MACROH2A2: variants seen among roughly 807,000 people sequenced by gnomAD.
The protein encoded by MACROH2A2 is macroH2A.2 histone.
MACROH2A2 carries 6 observed loss-of-function variants against 37.6 expected under a neutral mutation model. That is an observed-to-expected ratio of 0.16 (90% CI 0.09 to 0.32). MACROH2A2 has a LOEUF of 0.32. MACROH2A2 is among the 10% of genes least tolerant of loss of function. The probability of loss-of-function intolerance (pLI) is 1.00; values close to 1 mark genes in which losing one functional copy is unlikely to be tolerated. For missense variants in MACROH2A2, 290 were observed against 485.9 expected, an observed-to-expected ratio of 0.60 and a Z score of 3.79; for synonymous variants, 192 against 202.7, an observed-to-expected ratio of 0.95 and a Z score of 0.45.
chr10:70,054,055 G>A (rs1345036254), intron 1 of MACROH2A2, among the ~76,000 whole-genome samples: 1 of 152,166 alleles, frequency 6.6e-6, no homozygotes, highest in Non-Finnish European at 1.5e-5. Context: ...TTCCTTGGGG[G>A]GGCGCCCTCA....
chr10:70,098,277 AGAGAG>A (rs1200905311), intron 6 of MACROH2A2: 2 of 133,016 alleles, frequency 1.5e-5, no homozygotes, highest in East Asian at 8.3e-4. Context: ...AGAAAGAAAA[AGAGAG>A]AGAGAGAGGG....
chr10:70,109,379 C>T (rs972293602), intron 8 of MACROH2A2, among the ~76,000 whole-genome samples, 172 bp downstream of exon 8: 7 of 152,226 alleles, frequency 4.6e-5, no homozygotes, highest in African/African-American at 7.2e-5. Context: ...CATGGGGAAG[C>T]GAGCCCACTG....
chr10:70,108,217 CTA>C (rs1197514033), intron 7 of MACROH2A2, among the ~76,000 whole-genome samples: 5 of 151,424 alleles, frequency 3.3e-5, no homozygotes, highest in African/African-American at 1.2e-4. Flanking sequence ...CAAAAAAAAA[CTA>C]AAAATAAAAA....
In MACROH2A2 at chr10:70,061,097, A is replaced by C. The variant is rs974670465; in HGVS notation, c.-60+8097A>C. Among the ~76,000 whole-genome samples, 3 of 152,310 alleles carry C rather than the reference A, an allele frequency of 2.0e-5. No homozygotes were observed. The East Asian group carries it at 5.8e-4, about 29-fold the overall frequency. ...CTTTCTCCCCAAAAGCAATTCATTCAATAAGGGCATGTGCTAAGGGGTTTT... is the reference window on the plus strand; with the variant it reads ...CTTTCTCCCCAAAAGCAATTCATTCCATAAGGGCATGTGCTAAGGGGTTTT... On this transcript the variant is annotated intron_variant, in intron 1 of 8. Coordinates refer to ENST00000373255, the MANE Select transcript of MACROH2A2 (RefSeq NM_018649.3).
At chr10:70,068,230 G>C (rs538796577) in intron 1 of MACROH2A2, among the ~76,000 whole-genome samples, 1 of 151,996 alleles carries the variant, frequency 6.6e-6, no homozygotes, top group Non-Finnish European at 1.5e-5. Flanking sequence ...CAGAAGTATA[G>C]GTTTAAGCTT....
intron 2 of MACROH2A2, among the ~76,000 whole-genome samples, chr10:70,081,369 G>C (rs752549334): frequency 1.3e-5 from 2 of 152,068 alleles, no homozygotes; most frequent in South Asian, 4.1e-4. Flanking sequence ...GGTTCACATC[G>C]GTGTGTTAAG....
intron 2 of MACROH2A2, among the ~76,000 whole-genome samples, chr10:70,089,112 A>C (rs1293474067): frequency 6.6e-6 from 1 of 152,218 alleles, no homozygotes; most frequent in Admixed American, 6.5e-5. Context: ...CGTCTCAACA[A>C]AAAAGAAAAA....
intron 2 of MACROH2A2, among the ~76,000 whole-genome samples, chr10:70,082,991 T>TG (rs905035997): frequency 6.6e-6 from 1 of 152,164 alleles, no homozygotes; most frequent in African/African-American, 2.4e-5. Flanking sequence ...TCCTTTTTTT[T>TG]TTTTTTAATC....
chr10:70,080,111 C>T (rs927863531), intron 2 of MACROH2A2, among the ~76,000 whole-genome samples: 1 of 152,032 alleles, frequency 6.6e-6, no homozygotes, highest in Non-Finnish European at 1.5e-5. Context: ...GAAACCCCAT[C>T]TCTAATAAAA....
At chr10:70,087,236 CT>C (rs573916118) in intron 2 of MACROH2A2, among the ~76,000 whole-genome samples, 23,114 of 138,570 alleles carry the variant, frequency 0.17, 1,831 homozygotes, top group East Asian at 0.25. Context: ...TTTCTTTCTT[CT>C]TTTTTTTTTT....
In MACROH2A2 at chr10:70,090,152, G is replaced by A. The variant is rs748168980; in HGVS notation, c.265G>A (p.Glu89Lys). ...CATCTTGCTGGCAGTTGCCAATGAC[G>A]AGGAGCTCAACCAGGTATGTCTGAA... is the stretch of plus-strand genomic sequence containing the variant. ...RHILLAVAND[E>K]ELNQLLKGVT... is the part of the protein sequence containing the mutation. The change falls in exon 3 of 9, where the codon GAG becomes AAG. Residue 89 changes from glutamate (E) to lysine (K), a missense_variant. Transcript: ENST00000373255. The A allele has an allele frequency of 2.5e-6, 4 of 1,610,102 alleles. No homozygotes were observed. Among genetic ancestry groups the A allele is most frequent in the Non-Finnish European group, 3.4e-6 (4 of 1,176,462 alleles).
intron 2 of MACROH2A2, among the ~76,000 whole-genome samples, chr10:70,076,888 C>T (rs141939897): frequency 3.8e-3 from 579 of 152,234 alleles, no homozygotes; most frequent in Non-Finnish European, 6.0e-3. Flanking sequence ...TAGTCCCCAT[C>T]GCCCACCAAC....
At chr10:70,058,636 T>TTATATA (rs35874210) in intron 1 of MACROH2A2, among the ~76,000 whole-genome samples, 28 of 150,144 alleles carry the variant, frequency 1.9e-4, no homozygotes, top group Middle Eastern at 3.4e-3. Context: ...ACTGCCAATT[T>TTATATA]TATATATATA....
rs980982366 is a variant in MACROH2A2 at position 70,082,275 on chromosome 10, CG to C, written c.172+6448del. On this transcript the variant is annotated intron_variant, in intron 2 of 8. Coordinates refer to ENST00000373255, the MANE Select transcript of MACROH2A2 (RefSeq NM_018649.3). ...TCTCTACTAAAAATACAAAATTAGC[CG>C]GGTGTGGTGGTGCATGCCTGTAATC... Among the ~76,000 whole-genome samples, 44 of 152,086 alleles carry C rather than the reference CG, an allele frequency of 2.9e-4. 1 individual carries two copies. The Middle Eastern group carries it at 0.017, about 59-fold the overall frequency.
intron 4 of MACROH2A2, among the ~76,000 whole-genome samples, chr10:70,093,307 C>A (rs1301520914): frequency 6.6e-6 from 1 of 152,202 alleles, no homozygotes; most frequent in Non-Finnish European, 1.5e-5. Flanking sequence ...ACAGAAAGTT[C>A]TATTGGACAA....
intron 2 of MACROH2A2, among the ~76,000 whole-genome samples, chr10:70,081,624 G>A (rs1287207329): frequency 6.6e-6 from 1 of 152,084 alleles, no homozygotes; most frequent in African/African-American, 2.4e-5. Flanking sequence ...GCCACCTCAG[G>A]GTCATGGTGA....
intron 1 of MACROH2A2, among the ~76,000 whole-genome samples, chr10:70,058,604 G>T (rs1401869311): frequency 6.6e-6 from 1 of 151,844 alleles, no homozygotes; most frequent in African/African-American, 2.4e-5. Flanking sequence ...TGGAACCCAG[G>T]CCCCATGCTG....
chr10:70,084,287 A>G (rs945528536), intron 2 of MACROH2A2, among the ~76,000 whole-genome samples: 2 of 152,220 alleles, frequency 1.3e-5, no homozygotes, highest in Admixed American at 1.3e-4. Context: ...AAGAACACAC[A>G]TTTAAGGGAA....
chr10:70,054,967 A>G (rs895206372), intron 1 of MACROH2A2, among the ~76,000 whole-genome samples: 10 of 152,122 alleles, frequency 6.6e-5, no homozygotes, highest in African/African-American at 1.9e-4. Context: ...GGTTTCCTCT[A>G]TATCAAAACT....
Sources: gnomAD v4.1 joint callset for allele counts (sites outside exome capture counted in the v4.1 genomes callset) on GRCh38, gnomAD v4.1.1 for gene constraint, MANE v1.5 for transcripts, NCBI Gene and HGNC (gene_info 2026-07-23, HGNC 2026-07-21) for gene names.